RHEB: variants seen among roughly 807,000 people sequenced by gnomAD.
The protein encoded by RHEB is GTP-binding protein Rheb.
A neutral mutation model predicts 28.8 loss-of-function variants in RHEB; 2 were observed. The observed-to-expected ratio is 0.07, with a 90% CI of 0.03 to 0.22. The LOEUF (loss-of-function observed/expected upper bound fraction) is 0.22, where lower values mean the gene tolerates loss of function less well. Ranked by LOEUF, RHEB falls within the 10% of genes least tolerant of loss-of-function variation. RHEB has a pLI of 1.00. For synonymous variants in RHEB, 69 were observed against 77.3 expected (o/e 0.89, Z 0.56); for missense variants, 76 against 219.9 (o/e 0.35, Z 4.14).
chr7:151,491,059 T>A (rs1396887917), intron 1 of RHEB, 45 bp from the exon 2 acceptor site: 1 of 1,411,720 alleles, frequency 7.1e-7, no homozygotes. Context: ...CATATGAAGG[T>A]AAAAATTTTT....
intron 4 of RHEB, among the ~76,000 whole-genome samples, chr7:151,475,780 A>C (rs1369019291): frequency 6.6e-6 from 1 of 152,228 alleles, no homozygotes; most frequent in Non-Finnish European, 1.5e-5. Flanking sequence ...GAAATATTAT[A>C]AAGCCATTTA....
At chr7:151,506,838 G>C (rs1266123024) in intron 1 of RHEB, among the ~76,000 whole-genome samples, 1 of 152,136 alleles carries the variant, frequency 6.6e-6, no homozygotes, top group Non-Finnish European at 1.5e-5. Context: ...TCTTTGGGGG[G>C]CCTTTATCTG....
At chr7:151,497,600 C>T (rs545526879) in intron 1 of RHEB, among the ~76,000 whole-genome samples, 10 of 152,318 alleles carry the variant, frequency 6.6e-5, no homozygotes, top group African/African-American at 1.7e-4. Context: ...GCTATGAGGA[C>T]GGCACTCGCA....
chr7:151,488,871 G>A (rs1802528718), intron 2 of RHEB, among the ~76,000 whole-genome samples: 1 of 152,174 alleles, frequency 6.6e-6, no homozygotes, highest in African/African-American at 2.4e-5. Context: ...ACTTTCTTCT[G>A]ATCCATTACT....
rs1451481633 is a variant in RHEB, at chr7:151,468,156, C to T, written c.463-945G>A. Among the ~76,000 whole-genome samples the T allele has an allele frequency of 5.9e-5, 9 of 152,210 alleles. No homozygotes were observed. Among genetic ancestry groups the T allele is most frequent in the Non-Finnish European group, 1.0e-4 (7 of 68,038 alleles). On this transcript the variant is annotated intron_variant, in intron 7 of 7. Coordinates refer to ENST00000262187, the MANE Select transcript of RHEB (RefSeq NM_005614.4). The surrounding 1 kb of genome is among the most constrained non-coding windows in gnomAD (Gnocchi z 4.3). ...CACTCCAGTGACTTCCACTATCCCA[C>T]GAAACCAGAACACACCAACTGCCAG...
At chr7:151,499,683 C>T (rs1802737770) in intron 1 of RHEB, among the ~76,000 whole-genome samples, 1 of 152,260 alleles carries the variant, frequency 6.6e-6, no homozygotes, top group Non-Finnish European at 1.5e-5. Flanking sequence ...TGAAGTCCTA[C>T]TCCACGTGTA....
At position 151,506,033 on chromosome 7, in the gene RHEB, T is replaced by C. The variant is rs923517788; in HGVS notation, c.52+13427A>G. Among the ~76,000 whole-genome samples the C allele has an allele frequency of 2.0e-4, 30 of 152,168 alleles. 1 individual carries two copies. The highest frequency in any genetic ancestry group is 4.0e-4 in the Non-Finnish European group (27 of 68,032). On this transcript the variant is annotated intron_variant, in intron 1 of 7. Transcript: ENST00000262187. ...GAACTTGTGGGGATGACGGAATGTTTCATATTTTGATAAAGGCAGAGGTTA... is the reference window on the plus strand; with the variant it reads ...GAACTTGTGGGGATGACGGAATGTTCCATATTTTGATAAAGGCAGAGGTTA...
At chr7:151,491,736 CA>C (rs11324430) in intron 1 of RHEB, among the ~76,000 whole-genome samples, 70,832 of 141,548 alleles carry the variant, frequency 0.5, 16,667 homozygotes, top group South Asian at 0.61. Flanking sequence ...GACCCTGTGT[CA>C]AAAAAAAAAA....
chr7:151,518,632 A>C (rs1224106032), intron 1 of RHEB, among the ~76,000 whole-genome samples: 1 of 152,118 alleles, frequency 6.6e-6, no homozygotes, highest in East Asian at 1.9e-4. Flanking sequence ...CCCGACCCTA[A>C]GCCACCTTAT....
chr7:151,481,581 T>C (rs145711391), intron 3 of RHEB, among the ~76,000 whole-genome samples: 2 of 152,352 alleles, frequency 1.3e-5, no homozygotes, highest in African/African-American at 2.4e-5. Context: ...TTCAACAGAA[T>C]GAAGGGTGAA....
intron 1 of RHEB, among the ~76,000 whole-genome samples, chr7:151,514,176 A>G (rs1803036750): frequency 6.6e-6 from 1 of 152,248 alleles, no homozygotes; most frequent in African/African-American, 2.4e-5. Context: ...ATCCACATGC[A>G]AAAGTATAAA....
chr7:151,478,767 C>T (rs1357205230), intron 3 of RHEB, among the ~76,000 whole-genome samples: 1 of 152,290 alleles, frequency 6.6e-6, no homozygotes, highest in East Asian at 1.9e-4. Context: ...TCCTGAGTAG[C>T]TGGGACTACA....
At chr7:151,487,674 A>G (rs932756657) in intron 2 of RHEB, among the ~76,000 whole-genome samples, 20 of 152,212 alleles carry the variant, frequency 1.3e-4, no homozygotes, top group African/African-American at 4.8e-4. Flanking sequence ...GGGAGGTATA[A>G]TAAGAGATAG....
At chr7:151,502,492 A>G in intron 1 of RHEB, 1 of 908,664 alleles carries the variant, frequency 1.1e-6, no homozygotes, top group East Asian at 2.4e-5. Context: ...CTGTAACAGA[A>G]GAAGGAAAGG....
At chr7:151,471,474 G>A (rs1257355587) in intron 5 of RHEB, 33 bp from the exon 6 acceptor site, 2 of 1,552,538 alleles carry the variant, frequency 1.3e-6, no homozygotes, top group East Asian at 2.2e-5. Flanking sequence ...AAACCAGTAA[G>A]TGCCAGATTG....
At chr7:151,469,218 T>C (rs1274642997) in intron 7 of RHEB, among the ~76,000 whole-genome samples, 2 of 152,142 alleles carry the variant, frequency 1.3e-5, no homozygotes, top group Non-Finnish European at 2.9e-5. Flanking sequence ...GGATTCACTA[T>C]CCCTCCATAT....
In RHEB at chr7:151,470,715, T is replaced by C. The variant is rs903713345; in HGVS notation, c.381-63A>G. 317 of 1,155,792 alleles carry C rather than the reference T, an allele frequency of 2.7e-4. 2 individuals carry two copies. The highest frequency in any genetic ancestry group is 5.7e-4 in the Middle Eastern group (2 of 3,538). 71.6% of individuals were successfully genotyped at this position (1,155,792 alleles called of 1,614,324 possible). A position where few individuals can be genotyped will look rare whatever the true frequency, so the allele number is the denominator to read the frequency against. Reference sequence around the variant, plus strand: ...TCTTCATTATATAAAACATGTATAATTGATTTATGAAACAGGCTCCATTTT... The same window carrying C: ...TCTTCATTATATAAAACATGTATAACTGATTTATGAAACAGGCTCCATTTT... On this transcript the variant is annotated intron_variant, in intron 6 of 7. Transcript: ENST00000262187.
chr7:151,514,273 A>G (rs1237765805), intron 1 of RHEB, among the ~76,000 whole-genome samples: 1 of 152,252 alleles, frequency 6.6e-6, no homozygotes, highest in Non-Finnish European at 1.5e-5. Flanking sequence ...TAAAATATCT[A>G]GAAGAAAATA....
intron 3 of RHEB, among the ~76,000 whole-genome samples, chr7:151,480,145 T>C (rs1280291742): frequency 6.6e-6 from 1 of 152,108 alleles, no homozygotes; most frequent in Non-Finnish European, 1.5e-5. Context: ...TGTAACCCTA[T>C]GATAGCCCAC....
Sources: allele counts gnomAD v4.1 joint callset (sites outside exome capture counted in the v4.1 genomes callset), GRCh38; gene constraint gnomAD v4.1.1; non-coding constraint Gnocchi (gnomAD v3.1); transcripts MANE v1.5; gene names NCBI Gene and HGNC (gene_info 2026-07-23, HGNC 2026-07-21).